NAV2: variants seen among roughly 807,000 people sequenced by gnomAD.
The protein encoded by NAV2 is neuron navigator 2.
NAV2 carries 54 observed loss-of-function variants against 223.2 expected under a neutral mutation model. The ratio of observed to expected loss-of-function variants is 0.24; its 90% CI spans 0.19 to 0.30. The LOEUF is 0.30. Ranked by LOEUF, NAV2 falls within the 10% of genes least tolerant of loss-of-function variation. The pLI is 1.00. For missense variants in NAV2, 2,806 were observed against 3,147.5 expected, an observed-to-expected ratio of 0.89 and a Z score of 2.60; for synonymous variants, 1,279 against 1,239.3, an observed-to-expected ratio of 1.03 and a Z score of -0.67.
At chr11:19,385,868 T>C (rs929037085) in intron 1 of NAV2, among the ~76,000 whole-genome samples, 5 of 150,608 alleles carry the variant, frequency 3.3e-5, no homozygotes, top group African/African-American at 1.2e-4. Flanking sequence ...TTCACGCCAG[T>C]CTCCTGCCTC....
chr11:19,895,618 T>C (rs542878730), intron 6 of NAV2, among the ~76,000 whole-genome samples: 1 of 152,230 alleles, frequency 6.6e-6, no homozygotes, highest in South Asian at 2.1e-4. Flanking sequence ...GCTGTGACGA[T>C]GGAAAACTCC....
At chr11:19,548,110 G>A (rs1222376010) in intron 1 of NAV2, among the ~76,000 whole-genome samples, 3 of 152,204 alleles carry the variant, frequency 2.0e-5, no homozygotes, top group Non-Finnish European at 4.4e-5. Context: ...TTAGTTCGTA[G>A]GATAGGTTTA....
rs138679392 is a variant in NAV2 at position 19,516,030 on chromosome 11, A to T, written c.75+165003A>T. Reference sequence around the variant, plus strand: ...AAAGTGTTACTGTGGAGATTTCTTTATATGTGCAAGTGGAGAAGTCAAATA... The same window carrying T: ...AAAGTGTTACTGTGGAGATTTCTTTTTATGTGCAAGTGGAGAAGTCAAATA... On this transcript the variant is annotated intron_variant, in intron 1 of 37. Transcript: ENST00000360655. Among the ~76,000 whole-genome samples, 633 of 152,346 alleles carry T rather than the reference A, an allele frequency of 4.2e-3. 6 individuals carry two copies. Among genetic ancestry groups the T allele is most frequent in the African/African-American group, 0.014 (597 of 41,582 alleles).
At position 19,755,233 on chromosome 11, in the gene NAV2, T is replaced by C. The variant is rs147651181; in HGVS notation, c.267+41271T>C. Among the ~76,000 whole-genome samples, 930 of 152,312 alleles carry C rather than the reference T, an allele frequency of 6.1e-3. 4 individuals carry two copies. Among genetic ancestry groups the C allele is most frequent in the Non-Finnish European group, 0.01 (691 of 68,036 alleles). On this transcript the variant is annotated intron_variant, in intron 1 of 37. Coordinates refer to ENST00000349880, the MANE Select transcript of NAV2 (RefSeq NM_145117.5). ...ACAACAGTCCTTCTAATATCTTCAT[T>C]TTACAGAGTAGACAACTAAAAATAA...
upstream of NAV2, chr11:19,712,442 G>A (rs969344882): frequency 6.6e-6 from 1 of 152,212 alleles, no homozygotes; most frequent in South Asian, 2.1e-4. Flanking sequence ...CCAGATGGGG[G>A]CAGCGAGGCT....
intron 6 of NAV2, among the ~76,000 whole-genome samples, chr11:19,925,045 G>C (rs868338309): frequency 2.6e-5 from 4 of 152,270 alleles, no homozygotes; most frequent in Middle Eastern, 3.4e-3. Flanking sequence ...GATTAGTGAT[G>C]TTTAATGTCT....
intron 1 of NAV2, among the ~76,000 whole-genome samples, chr11:19,379,305 G>T (rs1159713019): frequency 2.0e-5 from 3 of 152,210 alleles, no homozygotes; most frequent in Non-Finnish European, 4.4e-5. Flanking sequence ...GGAAAAGTCA[G>T]AGGGGTCAGA....
chr11:20,010,550 C>T (rs11605704), intron 11 of NAV2, among the ~76,000 whole-genome samples: 10,552 of 152,174 alleles, frequency 0.069, 408 homozygotes, highest in South Asian at 0.11. Context: ...AAACACGCCT[C>T]TCTGTCTCTT....
intron 1 of NAV2, among the ~76,000 whole-genome samples, chr11:19,568,660 G>C (rs4237743): frequency 6.6e-6 from 1 of 152,200 alleles, no homozygotes; most frequent in African/African-American, 2.4e-5. Context: ...GTCTAGTCCC[G>C]GTTCTTTAGT....
At chr11:19,399,185 T>A (rs7101723) in intron 1 of NAV2, among the ~76,000 whole-genome samples, 56,979 of 151,922 alleles carry the variant, frequency 0.38, 10,959 homozygotes, top group East Asian at 0.53. Flanking sequence ...AAAACACAGT[T>A]CTGTGTTCCC....
At chr11:19,695,063 C>T (rs2049290137) in intron 1 of NAV2, among the ~76,000 whole-genome samples, 1 of 152,208 alleles carries the variant, frequency 6.6e-6, no homozygotes, top group Non-Finnish European at 1.5e-5. Context: ...AATGTACTCC[C>T]AGTATTCCAG....
intron 1 of NAV2, among the ~76,000 whole-genome samples, chr11:19,763,791 GTTTTTTTTGT>G (rs146612171): frequency 0.26 from 32,906 of 126,140 alleles, 3,876 homozygotes; most frequent in African/African-American, 0.33. Context: ...TTGTTTTTTT[GTTTTTTTTGT>G]TTTTTTTTTA....
chr11:19,988,308 C>T (rs2050985591), intron 11 of NAV2, among the ~76,000 whole-genome samples: 1 of 152,176 alleles, frequency 6.6e-6, no homozygotes, highest in Non-Finnish European at 1.5e-5. Context: ...CTTGGTGTGA[C>T]ATTAGATCAG....
At chr11:19,663,786 C>T (rs1356959748) in intron 1 of NAV2, among the ~76,000 whole-genome samples, 1 of 152,192 alleles carries the variant, frequency 6.6e-6, no homozygotes, top group Non-Finnish European at 1.5e-5. Flanking sequence ...CATCAAAGTT[C>T]TCTGCAGAAA....
At chr11:19,499,025 T>C (rs1451247815) in intron 1 of NAV2, among the ~76,000 whole-genome samples, 1 of 152,222 alleles carries the variant, frequency 6.6e-6, no homozygotes, top group East Asian at 1.9e-4. Flanking sequence ...TCAACATCTG[T>C]CTATAGCTCA....
intron 22 of NAV2, among the ~76,000 whole-genome samples, chr11:20,074,195 G>A (rs1189397214): frequency 6.6e-6 from 1 of 152,280 alleles, no homozygotes; most frequent in Non-Finnish European, 1.5e-5. Flanking sequence ...TATGTACCCA[G>A]TAGTCATTCA....
At chr11:19,699,846 G>A (rs185913529) in intron 1 of NAV2, among the ~76,000 whole-genome samples, 2 of 152,252 alleles carry the variant, frequency 1.3e-5, no homozygotes, top group Non-Finnish European at 2.9e-5. Context: ...TCTACAGGGA[G>A]CTTCCATCAC....
In NAV2 at chr11:19,581,745, T is replaced by A. The variant is rs375138736; in HGVS notation, c.75+230718T>A. Among the ~76,000 whole-genome samples the A allele has an allele frequency of 9.1e-3, 1,392 of 152,344 alleles. 12 individuals are homozygous for A. Among genetic ancestry groups the A allele is most frequent in the South Asian group, 0.04 (191 of 4,812 alleles). ...ATTCCATGGTGTATATGTGCCACAT[T>A]TTCTTAATCCAGTCTATCATCGTTG... On this transcript the variant is annotated intron_variant, in intron 1 of 37. Coordinates refer to the NAV2 transcript ENST00000360655.
At chr11:20,106,153 GTGTATATATATATATATATATA>G (rs1436085417) in intron 35 of NAV2, among the ~76,000 whole-genome samples, 5 of 17,528 alleles carry the variant, frequency 2.9e-4, no homozygotes, top group Non-Finnish European at 1.1e-3. Flanking sequence ...ATGTGTGTGT[GTGTATATATATATATATATATA>G]TGTGTGTGTA....
Sources: gnomAD v4.1 joint callset for allele counts (sites outside exome capture counted in the v4.1 genomes callset) on GRCh38, gnomAD v4.1.1 for gene constraint, MANE v1.5 for transcripts, NCBI Gene and HGNC (gene_info 2026-07-23, HGNC 2026-07-21) for gene names.